NAA11: variants seen among roughly 807,000 people sequenced by gnomAD.
The protein encoded by NAA11 is N-alpha-acetyltransferase 11.
In NAA11, 15 loss-of-function variants were observed where a neutral mutation model predicts 16.1. The ratio of observed to expected loss-of-function variants is 0.93; its 90% CI spans 0.62 to 1.44. The LOEUF (loss-of-function observed/expected upper bound fraction) is 1.44. NAA11 is among the 40% of genes most tolerant of loss of function. NAA11 has a pLI of 0.00. For missense variants in NAA11, 298 were observed against 291.3 expected, an observed-to-expected ratio of 1.02 and a Z score of -0.17; for synonymous variants, 122 against 112.4, an observed-to-expected ratio of 1.09 and a Z score of -0.54.
At chr4:79,158,746 G>A in the NAA11 span, among the ~76,000 whole-genome samples, 2 of 126,692 alleles carry the variant, frequency 1.6e-5, no homozygotes, top group South Asian at 2.4e-4. Flanking sequence ...AAAACAGCAT[G>A]GTACTGGTAT....
the NAA11 span, among the ~76,000 whole-genome samples, chr4:79,184,648 G>A: frequency 3.3e-5 from 5 of 152,138 alleles, no homozygotes; most frequent in Non-Finnish European, 7.4e-5. Flanking sequence ...CTGTGAGTCT[G>A]GGGGAGCAGA....
chr4:79,222,258 TTCTC>T (rs1233610800), downstream of NAA11, among the ~76,000 whole-genome samples: 5 of 152,200 alleles, frequency 3.3e-5, no homozygotes, highest in African/African-American at 7.2e-5. Context: ...TATTTGATTC[TTCTC>T]TCTTTTTTTC....
At chr4:79,209,018 A>G in the NAA11 span, among the ~76,000 whole-genome samples, 1 of 150,816 alleles carries the variant, frequency 6.6e-6, no homozygotes, top group Non-Finnish European at 1.5e-5. Flanking sequence ...TTTTCTAATA[A>G]TAATGTATTT....
chr4:79,243,851 AAAG>A (rs1415210789), intron 2 of NAA11, among the ~76,000 whole-genome samples: 1 of 152,184 alleles, frequency 6.6e-6, no homozygotes, highest in Non-Finnish European at 1.5e-5. Context: ...GAGGAAATAA[AAAG>A]GGCCTTTAAC....
At chr4:79,255,921 G>C (rs1387363898) in intron 2 of NAA11, among the ~76,000 whole-genome samples, 1 of 152,174 alleles carries the variant, frequency 6.6e-6, no homozygotes, top group Non-Finnish European at 1.5e-5. Context: ...TAGTAACTTT[G>C]GGTCATTGCC....
chr4:79,174,500 G>A, the NAA11 span, among the ~76,000 whole-genome samples: 1 of 152,094 alleles, frequency 6.6e-6, no homozygotes, highest in Non-Finnish European at 1.5e-5. Flanking sequence ...ACACCCTGCT[G>A]TGGCTCCTTT....
At position 79,325,617 on chromosome 4, in the gene NAA11, G is replaced by A; in HGVS notation, c.261C>T (p.Ala87=). 6.2e-7 allele frequency: 1 copy of A among 1,614,032 alleles called. No homozygotes were observed. The highest frequency in any genetic ancestry group is 1.3e-5 in the African/African-American group (1 of 75,026). ...TGGAGGCCTGGTCCATCAGCTTCTG[G>A]GCCAGGCCGAGGCGCCGGTGTGAAC... ...VKRSHRRLGL[A]QKLMDQASRA... Residue 87 remains alanine, a synonymous_variant, in exon 1 of 2, where the codon GCC becomes GCT. Transcript: ENST00000286794.
At chr4:79,304,845 T>G (rs370509518) in intron 1 of NAA11, among the ~76,000 whole-genome samples, 3 of 152,254 alleles carry the variant, frequency 2.0e-5, no homozygotes, top group African/African-American at 7.2e-5. Context: ...CCTAGTATCT[T>G]GAGTATGCTA....
At chr4:79,181,339 C>CGA in the NAA11 span, among the ~76,000 whole-genome samples, 43 of 152,076 alleles carry the variant, frequency 2.8e-4, no homozygotes, top group African/African-American at 1.0e-3. Flanking sequence ...GCTCACATCC[C>CGA]ATGTGACTTT....
the NAA11 span, among the ~76,000 whole-genome samples, chr4:79,193,507 G>C: frequency 0.085 from 12,848 of 152,024 alleles, 603 homozygotes; most frequent in Middle Eastern, 0.13. Flanking sequence ...TCTTGTTTTT[G>C]TCAGATTTGT....
intron 2 of NAA11, among the ~76,000 whole-genome samples, chr4:79,288,851 G>C (rs1036033479): frequency 1.3e-5 from 2 of 152,060 alleles, no homozygotes; most frequent in Non-Finnish European, 1.5e-5. Flanking sequence ...TAATATTTTG[G>C]TGTATATCCT....
In NAA11 at chr4:79,274,761, C is replaced by CAGT. The variant is rs557119783; in HGVS notation, c.*122+19243_*122+19244insACT. ...TAGTTACTGTTATTATTATTGAACA[C>CAGT]ATACTGTGTGTTTGGCATGACTAAG... is the stretch of plus-strand genomic sequence containing the variant. On this transcript the variant is annotated intron_variant and NMD_transcript_variant, in intron 2 of 2. Coordinates refer to the NAA11 transcript ENST00000511542. Among the ~76,000 whole-genome samples the CAGT allele has an allele frequency of 5.9e-5, 9 of 152,150 alleles. 1 individual carries two copies. In the South Asian group the frequency reaches 1.9e-3, roughly 32 times the overall value.
chr4:79,231,940 A>G (rs1009412241), intron 2 of NAA11, among the ~76,000 whole-genome samples: 2 of 151,762 alleles, frequency 1.3e-5, no homozygotes, highest in Admixed American at 1.3e-4. Flanking sequence ...GAAATAATAT[A>G]TATGACATAA....
the NAA11 span, among the ~76,000 whole-genome samples, chr4:79,196,979 A>AAAAAAAAAAAG: frequency 2.2e-4 from 27 of 125,528 alleles, no homozygotes; most frequent in African/African-American, 3.0e-4. Flanking sequence ...AAAAAAAAAA[A>AAAAAAAAAAAG]AAAGAAAGAA....
chr4:79,309,062 T>G (rs2110008979), intron 1 of NAA11, among the ~76,000 whole-genome samples: 1 of 152,278 alleles, frequency 6.6e-6, no homozygotes, highest in Middle Eastern at 3.4e-3. Context: ...TAATCCAAAG[T>G]AACTTAAATC....
At chr4:79,215,110 A>G in the NAA11 span, among the ~76,000 whole-genome samples, 2 of 152,200 alleles carry the variant, frequency 1.3e-5, no homozygotes, top group South Asian at 2.1e-4. Context: ...TCTAAAAATT[A>G]TTTTTTAAGT....
At position 79,285,914 on chromosome 4, in the gene NAA11, C is replaced by T. The variant is rs1002830681; in HGVS notation, c.*122+8091G>A. Among the ~76,000 whole-genome samples, 6 of 151,838 alleles carry T rather than the reference C, an allele frequency of 4.0e-5. No individual in the cohort carries two copies. The South Asian group carries it at 1.2e-3, about 32-fold the overall frequency. On this transcript the variant is annotated intron_variant and NMD_transcript_variant, in intron 2 of 2. Coordinates refer to the NAA11 transcript ENST00000511542. ...CATTCAAATATTCCATTTTTTTCTC[C>T]CAACAGTGTATTATATAACTGCCAT...
At chr4:79,173,620 G>A in the NAA11 span, among the ~76,000 whole-genome samples, 1 of 152,050 alleles carries the variant, frequency 6.6e-6, no homozygotes. Flanking sequence ...AAACTTCACA[G>A]AAAATGAGAG....
At chr4:79,187,257 TC>T in the NAA11 span, among the ~76,000 whole-genome samples, 1 of 152,146 alleles carries the variant, frequency 6.6e-6, no homozygotes, top group Non-Finnish European at 1.5e-5. Flanking sequence ...CTAACGAACA[TC>T]CCAATGAGGA....
Sources: allele counts gnomAD v4.1 joint callset (sites outside exome capture counted in the v4.1 genomes callset), GRCh38; gene constraint gnomAD v4.1.1; transcripts MANE v1.5; gene names NCBI Gene and HGNC (gene_info 2026-07-23, HGNC 2026-07-21).